Variants in TM7SF3 observed in about 807,000 individuals in gnomAD.
TM7SF3 encodes transmembrane 7 superfamily member 3.
TM7SF3 carries 60 observed loss-of-function variants against 65.5 expected under a neutral mutation model. The observed-to-expected ratio is 0.92, with a 90% confidence interval of 0.74 to 1.14. TM7SF3 has a LOEUF of 1.14. Ranked by LOEUF, TM7SF3 falls within the 50% of genes most tolerant of loss-of-function variation. The pLI, the probability that TM7SF3 is intolerant of heterozygous loss-of-function variation, is 0.00. For synonymous variants in TM7SF3, 264 were observed against 259.6 expected (o/e 1.02, Z -0.16); for missense variants, 623 against 684.8 (o/e 0.91, Z 1.01).
chr12:26,993,514 C>T (rs1161948603), intron 5 of TM7SF3, among the ~76,000 whole-genome samples: 1 of 152,280 alleles, frequency 6.6e-6, no homozygotes, highest in Non-Finnish European at 1.5e-5. Flanking sequence ...TACATAAGCA[C>T]GTAATACAGG....
At position 27,003,188 on chromosome 12, in the gene TM7SF3, C is replaced by A. The variant is rs746572733; in HGVS notation, c.246+48G>T. On this transcript the variant is annotated intron_variant, in intron 2 of 11. Transcript: ENST00000343028. The stretch of plus-strand genomic sequence containing the variant: ...CTAATGCTCATACTAAATACCAGAC[C>A]CCCAAAATATAGAAATGATTTTTAC... 5 of 1,383,642 alleles carry A rather than the reference C, an allele frequency of 3.6e-6. No homozygotes were observed. In the Admixed American group the frequency reaches 6.1e-5, roughly 17 times the overall value. 85.7% of individuals were successfully genotyped at this position (1,383,642 alleles called of 1,614,324 possible).
Position 26,999,567 on chromosome 12 carries a change from G to A in TM7SF3, c.356C>T (p.Pro119Leu), listed in dbSNP as rs779065173. The A allele has an allele frequency of 1.2e-6, 2 of 1,614,194 alleles. No individual in the cohort carries two copies. The highest frequency in any genetic ancestry group is 2.2e-5 in the South Asian group (2 of 91,080). Residue 119 changes from proline (P) to leucine (L), a missense_variant, in exon 3 of 12, where the codon CCT (proline) becomes CTT (leucine). Physicochemically the swap from Pro to Leu is moderately conservative, Grantham distance 98. Transcript: ENST00000343028. Reference sequence around the variant, plus strand: ...GAGTAGGATAGCCATATTCTGGACAGGCTGTATGCCTGAAGTCCCCAAGTA... The same window carrying A: ...GAGTAGGATAGCCATATTCTGGACAAGCTGTATGCCTGAAGTCCCCAAGTA... ...TWYLGTSGIQ[P>L]VQNMAILLSY... is the part of the protein sequence containing the mutation.
chr12:26,998,135 C>T (rs1242998680), intron 3 of TM7SF3, among the ~76,000 whole-genome samples: 2 of 152,114 alleles, frequency 1.3e-5, no homozygotes, highest in African/African-American at 4.8e-5. Context: ...GCCCGGCCTG[C>T]TCCCTTTTAA....
At chr12:26,979,605 AG>A in intron 9 of TM7SF3, 178 bp downstream of exon 9, 1 of 630,440 alleles carries the variant, frequency 1.6e-6, no homozygotes, top group South Asian at 2.0e-5. Flanking sequence ...TGTGCCTTTG[AG>A]GAAGGAGGGA....
chr12:27,002,757 G>C (rs1940883932), intron 2 of TM7SF3, among the ~76,000 whole-genome samples: 1 of 152,194 alleles, frequency 6.6e-6, no homozygotes, highest in African/African-American at 2.4e-5. Flanking sequence ...GCATAGCACA[G>C]GGCTGGATGA....
chr12:26,987,912 G>A (rs1249972266), intron 6 of TM7SF3, among the ~76,000 whole-genome samples: 5 of 151,852 alleles, frequency 3.3e-5, no homozygotes, highest in African/African-American at 1.2e-4. Context: ...CTCCTGAGAA[G>A]GACACATCAC....
intron 7 of TM7SF3, among the ~76,000 whole-genome samples, chr12:26,980,890 G>A (rs900330163): frequency 6.6e-6 from 1 of 152,086 alleles, no homozygotes; most frequent in South Asian, 2.1e-4. Context: ...ACACTTTCTT[G>A]TATATAGGTC....
chr12:26,990,667 T>A, intron 5 of TM7SF3, 40 bp from the exon 6 acceptor site: 2 of 1,528,148 alleles, frequency 1.3e-6, no homozygotes, highest in Non-Finnish European at 1.8e-6. Context: ...TTTAGGGGAT[T>A]TTTTTAAGCT....
At chr12:26,996,098 G>C (rs1196093482) in intron 4 of TM7SF3, among the ~76,000 whole-genome samples, 1 of 151,578 alleles carries the variant, frequency 6.6e-6, no homozygotes, top group Non-Finnish European at 1.5e-5. Context: ...AGGATTGCTT[G>C]AGCTAAGAAG....
chr12:26,976,717 A>G (rs1015612262), intron 9 of TM7SF3, among the ~76,000 whole-genome samples: 1 of 152,222 alleles, frequency 6.6e-6, no homozygotes, highest in Middle Eastern at 3.2e-3. Flanking sequence ...GCTCTAAATC[A>G]CCTGTTAGCT....
Position 26,976,306 on chromosome 12 carries a change from C to A in TM7SF3, c.1241G>T (p.Cys414Phe). ...AACTACTGGAATGAGGATAGCTATG[C>A]AAGAGAAAGTGACCCAGAATACACC... The part of the protein sequence containing the change: ...DDGVFWVTFS[C>F]IAILIPVVFM... The change falls in exon 10 of 12, where the codon TGC becomes TTC. Residue 414 changes from cysteine (C) to phenylalanine (F), a missense_variant. Transcript: ENST00000343028. 6.2e-7 allele frequency: 1 copy of A among 1,613,960 alleles called. No individual in the cohort carries two copies. The highest frequency in any genetic ancestry group is 8.5e-7 in the Non-Finnish European group (1 of 1,179,948).
At chr12:27,009,754 T>C (rs1042530748) in intron 1 of TM7SF3, among the ~76,000 whole-genome samples, 1 of 152,202 alleles carries the variant, frequency 6.6e-6, no homozygotes, top group African/African-American at 2.4e-5. Flanking sequence ...ATATCTTTTA[T>C]AAAAAGTTCT....
intron 1 of TM7SF3, among the ~76,000 whole-genome samples, chr12:27,008,292 G>A (rs1175111670): frequency 6.6e-6 from 1 of 152,100 alleles, no homozygotes; most frequent in East Asian, 1.9e-4. Context: ...TTACTCATGG[G>A]TGTTAAGAAA....
intron 1 of TM7SF3, chr12:27,012,800 C>T: frequency 2.3e-6 from 1 of 444,326 alleles, no homozygotes; most frequent in Non-Finnish European, 4.5e-6. Flanking sequence ...GAGTTCGAGA[C>T]CAGCCTGAAC....
At chr12:26,977,080 T>C (rs866677300) in intron 9 of TM7SF3, among the ~76,000 whole-genome samples, 7 of 152,194 alleles carry the variant, frequency 4.6e-5, no homozygotes, top group African/African-American at 1.7e-4. Flanking sequence ...GGCACCACCA[T>C]TCAGTCCATC....
chr12:26,973,791 A>C lies in TM7SF3; in HGVS notation c.*174T>G. ...TTTTGGTCATCTTTCTCATTCTCTTACAATCATCCTAATCCCCTAGTACAC... is the reference window on the plus strand; with the variant it reads ...TTTTGGTCATCTTTCTCATTCTCTTCCAATCATCCTAATCCCCTAGTACAC... On this transcript the variant is annotated 3_prime_UTR_variant, in exon 12 of 12. Coordinates refer to ENST00000343028, the MANE Select transcript of TM7SF3 (RefSeq NM_016551.3). 2.7e-6 allele frequency: 2 copies of C among 746,180 alleles called. No individual in the cohort carries two copies. The highest frequency in any genetic ancestry group is 3.9e-6 in the Non-Finnish European group (2 of 507,342). 46.2% of individuals were successfully genotyped at this position (746,180 alleles called of 1,614,324 possible).
In TM7SF3 at chr12:26,997,105, G is replaced by A. The variant is rs1428013737; in HGVS notation, c.398-243C>T. Among the ~76,000 whole-genome samples, 3 of 152,234 alleles carry A rather than the reference G, an allele frequency of 2.0e-5. No individual in the cohort carries two copies. The East Asian group carries it at 5.8e-4, about 29-fold the overall frequency. On this transcript the variant is annotated intron_variant, in intron 3 of 11. Coordinates refer to ENST00000343028, the MANE Select transcript of TM7SF3 (RefSeq NM_016551.3). ...CTGTAAAAGGCCTAATAGTATTTTA[G>A]GCTTTGTCAGTCTGATGGTCTCTGC...
chr12:26,992,265 A>AT (rs1167974971), intron 5 of TM7SF3, among the ~76,000 whole-genome samples: 3 of 152,018 alleles, frequency 2.0e-5, no homozygotes, highest in Admixed American at 2.0e-4. Context: ...AGGCTATTTT[A>AT]TTTTTTTATT....
At chr12:26,984,260 G>A (rs959687458) in intron 6 of TM7SF3, among the ~76,000 whole-genome samples, 2 of 151,686 alleles carry the variant, frequency 1.3e-5, no homozygotes, top group Non-Finnish European at 2.9e-5. Context: ...TGAGAACCCC[G>A]TCTACTAAAA....
Sources: gnomAD v4.1 joint callset for allele counts (sites outside exome capture counted in the v4.1 genomes callset) on GRCh38, gnomAD v4.1.1 for gene constraint, MANE v1.5 for transcripts, NCBI Gene and HGNC (gene_info 2026-07-23, HGNC 2026-07-21) for gene names.